PDZD2: variants seen among roughly 807,000 people sequenced by gnomAD.
PDZD2 encodes PDZ domain-containing protein 2.
A neutral mutation model predicts 220.7 loss-of-function variants in PDZD2; 90 were observed. The ratio of observed to expected loss-of-function variants is 0.41; its 90% CI spans 0.34 to 0.49. PDZD2 has a LOEUF of 0.49. Among genes scored for constraint, PDZD2 ranks in the 20% least tolerant of loss-of-function variants. The pLI, the probability that PDZD2 is intolerant of heterozygous loss-of-function variation, is 0.28. For synonymous variants in PDZD2, 1,375 were observed against 1,450.5 expected, an observed-to-expected ratio of 0.95 and a Z score of 1.18; for missense variants, 3,174 against 3,608.5, an observed-to-expected ratio of 0.88 and a Z score of 3.08.
intron 2 of PDZD2, among the ~76,000 whole-genome samples, chr5:31,865,227 A>T (rs1206704810): frequency 6.6e-6 from 1 of 152,134 alleles, no homozygotes; most frequent in Non-Finnish European, 1.5e-5. Flanking sequence ...AAAATGATTC[A>T]GCCTTCTCCC....
In PDZD2 at chr5:32,072,106, G is replaced by T. The variant is rs1581422526; in HGVS notation, c.2569-55G>T. ...GGAAAGATAGGACGTAATAACCCTT[G>T]AAAGTCTGCTTCTGCTGTGTTTTCT... is the stretch of plus-strand genomic sequence containing the variant. On this transcript the variant is annotated intron_variant, in intron 16 of 24. Transcript: ENST00000438447. 3.9e-6 allele frequency: 5 copies of T among 1,296,660 alleles called. No individual in the cohort carries two copies. In the East Asian group the frequency reaches 1.2e-4, roughly 30 times the overall value. The allele number at this position is 1,296,660 out of a possible 1,614,324, so 80.3% of individuals were successfully genotyped here.
At chr5:31,857,274 C>T (rs920891312) in intron 2 of PDZD2, among the ~76,000 whole-genome samples, 5 of 152,172 alleles carry the variant, frequency 3.3e-5, no homozygotes, top group Non-Finnish European at 7.3e-5. Context: ...CTCCGCTTGC[C>T]GCTCTTGAGG....
chr5:31,684,829 A>T (rs372244747), intron 1 of PDZD2, among the ~76,000 whole-genome samples: 2 of 152,152 alleles, frequency 1.3e-5, no homozygotes. Context: ...GTCCTAGATC[A>T]TCTGTGTTAT....
intron 17 of PDZD2, among the ~76,000 whole-genome samples, chr5:32,073,018 GTT>G (rs10718239): frequency 2.0e-5 from 3 of 149,848 alleles, no homozygotes; most frequent in South Asian, 2.1e-4. Flanking sequence ...TTATCAAAAG[GTT>G]TTTTTTTTAA....
chr5:31,858,733 TTA>T (rs1758673655), intron 2 of PDZD2, among the ~76,000 whole-genome samples: 1 of 151,056 alleles, frequency 6.6e-6, no homozygotes, highest in African/African-American at 2.4e-5. Context: ...CCCTTCCTCT[TTA>T]TGAGATGGAG....
At position 32,108,848 on chromosome 5, in the gene PDZD2, A is replaced by AAAG. The variant is rs1561628322; in HGVS notation, c.*714_*716dup. 1 of 152,680 alleles carries AAAG rather than the reference A, an allele frequency of 6.5e-6. No homozygotes were observed. Among genetic ancestry groups the AAAG allele is most frequent in the African/African-American group, 2.4e-5 (1 of 41,454 alleles). The allele number at this position is 152,680 out of a possible 1,614,324, so 9.5% of individuals were successfully genotyped here. On this transcript the variant is annotated 3_prime_UTR_variant, in exon 25 of 25. Coordinates refer to ENST00000438447, the MANE Select transcript of PDZD2 (RefSeq NM_178140.4). ...GAAGTATTGATCATTTTCTATCTCA[A>AAAG]AAGTGTAAGCCATAAGGCTGTTTTA...
In PDZD2 at chr5:32,089,156, C is replaced by G. The variant is rs138400638; in HGVS notation, c.5708C>G (p.Ala1903Gly). The change falls in exon 20 of 25, where the codon GCG becomes GGG. Residue 1903 changes from alanine to glycine, a missense_variant. Ala to Gly is a moderately conservative substitution (Grantham distance 60). Around this residue, in one of 4 missense-constraint regions of PDZD2, gnomAD observed 1,861 missense variants for 2,001.0 expected, o/e 0.93. Coordinates refer to ENST00000438447, the MANE Select transcript of PDZD2 (RefSeq NM_178140.4). ...AAAGTCAACTCTGAGGCCCCTGCTG[C>G]GAATGCTGTGAAGGCTGGGGGGACG... ...KAKVNSEAPA[A>G]NAVKAGGTDH... The G allele has an allele frequency of 1.9e-6, 3 of 1,612,380 alleles. No homozygotes were observed. The highest frequency in any genetic ancestry group is 1.1e-5 in the South Asian group (1 of 91,078).
chr5:31,733,425 C>T (rs1327390922), intron 1 of PDZD2, among the ~76,000 whole-genome samples: 1 of 152,154 alleles, frequency 6.6e-6, no homozygotes, highest in Non-Finnish European at 1.5e-5. Context: ...CTTTGGAGCT[C>T]ATTCTTTCTC....
chr5:31,888,479 A>G lies in PDZD2; in HGVS notation c.476+88755A>G, dbSNP rs1581000175. 2.6e-5 allele frequency among the ~76,000 whole-genome samples: 4 copies of G among 152,332 alleles called. No individual in the cohort carries two copies. The East Asian group carries it at 7.7e-4, about 29-fold the overall frequency. ...AGTGCTGGGATTACAGGTGTGAGCC[A>G]CCGCACCCGGCCCCATTGAAGGTTT... is the stretch of plus-strand genomic sequence containing the variant. On this transcript the variant is annotated intron_variant, in intron 2 of 24. Coordinates refer to ENST00000438447, the MANE Select transcript of PDZD2 (RefSeq NM_178140.4).
In PDZD2 at chr5:31,702,173, G is replaced by C. The variant is rs537672184; in HGVS notation, c.-361+62736G>C. On this transcript the variant is annotated intron_variant, in intron 1 of 24. Transcript: ENST00000438447. ...TGGCAGCACTCTTGGGAGTAGAGAG[G>C]GGGTGAGAGTTATGGAGTTTTATGT... 7.5e-4 allele frequency among the ~76,000 whole-genome samples: 114 copies of C among 152,332 alleles called. 2 individuals are homozygous for C. Among genetic ancestry groups the C allele is most frequent in the Admixed American group, 4.7e-3 (72 of 15,304 alleles).
At chr5:31,721,608 G>C (rs556217141) in intron 1 of PDZD2, among the ~76,000 whole-genome samples, 1 of 148,588 alleles carries the variant, frequency 6.7e-6, no homozygotes. Context: ...TCCATAACTA[G>C]CATGTATATA....
chr5:31,811,504 A>T (rs1755107555), intron 2 of PDZD2, among the ~76,000 whole-genome samples: 5 of 152,076 alleles, frequency 3.3e-5, no homozygotes, highest in Admixed American at 3.3e-4. Context: ...TTTGGGGAGG[A>T]AGGCTGGGCT....
chr5:31,869,423 CGT>C (rs1561526674), intron 2 of PDZD2, among the ~76,000 whole-genome samples: 2 of 152,072 alleles, frequency 1.3e-5, no homozygotes. Flanking sequence ...ATTAGCCGGG[CGT>C]GGTGGCGGGC....
chr5:31,842,391 T>C (rs1180524452), intron 2 of PDZD2, among the ~76,000 whole-genome samples: 1 of 152,172 alleles, frequency 6.6e-6, no homozygotes, highest in Non-Finnish European at 1.5e-5. Flanking sequence ...GAGATCTAAA[T>C]CCAGGCCTCC....
rs150445488 is a variant in PDZD2 at position 32,091,128 on chromosome 5, G to T, written c.7680G>T (p.Thr2560=). 1 of 1,593,150 alleles carries T rather than the reference G, an allele frequency of 6.3e-7. No individual in the cohort carries two copies. The highest frequency in any genetic ancestry group is 1.3e-5 in the African/African-American group (1 of 74,624). ...AAETPSSASD[T]GEAAQDLPFR... ...AGACACCCAGTTCAGCCAGTGATAC[G>T]GGTGAAGCTGCCCAGGATCTGCCTT... Residue 2560 remains threonine (T), a synonymous_variant, in exon 20 of 25, where the codon ACG becomes ACT. Transcript: ENST00000438447.
At chr5:32,067,068 T>C (rs1179867842) in intron 14 of PDZD2, among the ~76,000 whole-genome samples, 2 of 152,256 alleles carry the variant, frequency 1.3e-5, no homozygotes, top group African/African-American at 4.8e-5. Context: ...TTGTACCACT[T>C]AGCCCAGCAT....
chr5:31,959,779 C>A (rs1748044436), intron 2 of PDZD2, among the ~76,000 whole-genome samples: 1 of 152,164 alleles, frequency 6.6e-6, no homozygotes, highest in Non-Finnish European at 1.5e-5. Context: ...ACAAAGTATT[C>A]TCTGACAGTT....
intron 1 of PDZD2, among the ~76,000 whole-genome samples, chr5:31,772,072 TTTCTC>T (rs1297778838): frequency 1.3e-5 from 2 of 152,176 alleles, no homozygotes; most frequent in African/African-American, 4.8e-5. Flanking sequence ...GAGTTCTAAA[TTTCTC>T]TTCAAACAAT....
At chr5:31,655,568 T>C (rs1483042485) in intron 1 of PDZD2, among the ~76,000 whole-genome samples, 1 of 152,214 alleles carries the variant, frequency 6.6e-6, no homozygotes, top group Non-Finnish European at 1.5e-5. Flanking sequence ...TTTTTTTTTT[T>C]TTAGAAGGTG....
Sources: gnomAD v4.1 joint callset for allele counts (sites outside exome capture counted in the v4.1 genomes callset) on GRCh38, gnomAD v4.1.1 for gene constraint, gnomAD v4.1.1 regional missense constraint, MANE v1.5 for transcripts, NCBI Gene and HGNC (gene_info 2026-07-23, HGNC 2026-07-21) for gene names.